The following CFAP161 variants were observed in gnomAD, a reference collection of about 807,000 sequenced individuals.
CFAP161 encodes cilia- and flagella-associated protein 161.
A neutral mutation model predicts 29.0 loss-of-function variants in CFAP161; 25 were observed. The ratio of observed to expected loss-of-function variants is 0.86; its 90% CI spans 0.63 to 1.20. CFAP161 has a LOEUF of 1.20. Ranked by LOEUF, CFAP161 falls within the 50% of genes most tolerant of loss-of-function variation. The probability of loss-of-function intolerance (pLI) is 0.00; values close to 1 mark genes in which losing one functional copy is unlikely to be tolerated. For synonymous variants in CFAP161, 116 were observed against 137.4 expected, an observed-to-expected ratio of 0.84 and a Z score of 1.09; for missense variants, 367 against 371.9, an observed-to-expected ratio of 0.99 and a Z score of 0.11.
At chr15:81,144,838 G>A (rs570635811) in intron 5 of CFAP161, among the ~76,000 whole-genome samples, 3 of 151,874 alleles carry the variant, frequency 2.0e-5, no homozygotes, top group African/African-American at 7.3e-5. Flanking sequence ...AGAAGCCAAG[G>A]AGACAGCAGG....
chr15:81,121,557 A>G (rs1454656650), intron 1 of CFAP161, among the ~76,000 whole-genome samples: 2 of 151,926 alleles, frequency 1.3e-5, no homozygotes, highest in African/African-American at 2.4e-5. Flanking sequence ...AAAGTTATAT[A>G]TATATATTAA....
upstream of CFAP161, among the ~76,000 whole-genome samples, chr15:81,130,561 G>A (rs147093663): frequency 3.3e-5 from 5 of 152,316 alleles, no homozygotes; most frequent in Admixed American, 3.3e-4. Context: ...TTAGCTGGGT[G>A]TGGTGGCATG....
At chr15:81,105,092 C>CCCTCCCTCCCTCCCTT (rs1555448581) in intron 1 of CFAP161, among the ~76,000 whole-genome samples, 7 of 53,526 alleles carry the variant, frequency 1.3e-4, no homozygotes, top group East Asian at 1.2e-3. Context: ...CTTTTCTTTT[C>CCCTCCCTCCCTCCCTT]CCTCCCTCCC....
At chr15:81,134,226 G>A, upstream of CFAP161, 1 of 1,363,292 alleles carries the variant, frequency 7.3e-7, no homozygotes, top group East Asian at 2.5e-5. Context: ...TGGCCAGCAG[G>A]GTCCCAGACC....
At chr15:81,115,065 A>G (rs1216638837) in intron 1 of CFAP161, among the ~76,000 whole-genome samples, 2 of 152,192 alleles carry the variant, frequency 1.3e-5, no homozygotes, top group African/African-American at 4.8e-5. Context: ...AGTTGTTGGG[A>G]AGATGTTTTT....
rs561059191 is a variant in CFAP161, at chr15:81,113,703, G to A, written c.-141-13887G>A. On this transcript the variant is annotated intron_variant, in intron 1 of 4. Transcript: ENST00000560091. Reference sequence around the variant, plus strand: ...CAGAGCTTCCATGACTTTTCTGGGTGCCACCTTCCCAGCACCTCGATGTGT... The same window carrying A: ...CAGAGCTTCCATGACTTTTCTGGGTACCACCTTCCCAGCACCTCGATGTGT... 1.6e-4 allele frequency among the ~76,000 whole-genome samples: 24 copies of A among 152,324 alleles called. No homozygotes were observed. The South Asian group carries it at 2.3e-3, about 14-fold the overall frequency.
upstream of CFAP161, among the ~76,000 whole-genome samples, chr15:81,133,207 ATATATATATATATATATG>A (rs1224089868): frequency 0.046 from 2,121 of 45,978 alleles, 113 homozygotes; most frequent in Middle Eastern, 0.077. Flanking sequence ...ATATATATAT[ATATATATATATATATATG>A]TATTTTTTTT....
intron 2 of CFAP161, 109 bp from the exon 3 acceptor site, chr15:81,136,407 T>C (rs1382829701): frequency 2.0e-5 from 19 of 958,978 alleles, no homozygotes; most frequent in Non-Finnish European, 2.7e-5. Flanking sequence ...GGAATCCAAG[T>C]GAAATCCTGA....
At chr15:81,120,080 C>A (rs1567153183) in intron 1 of CFAP161, among the ~76,000 whole-genome samples, 1 of 151,988 alleles carries the variant, frequency 6.6e-6, no homozygotes, top group East Asian at 1.9e-4. Context: ...CAGGTATTAT[C>A]TTCATAAAAT....
At chr15:81,105,137 TCCCC>T (rs1894349723) in intron 1 of CFAP161, among the ~76,000 whole-genome samples, 3 of 11,642 alleles carry the variant, frequency 2.6e-4, no homozygotes, top group Admixed American at 7.7e-4. Flanking sequence ...TTCTCCCCCC[TCCCC>T]TCCCTCCCTC....
chr15:81,133,836 C>A (rs1894757465), upstream of CFAP161, among the ~76,000 whole-genome samples: 1 of 152,042 alleles, frequency 6.6e-6, no homozygotes, highest in African/African-American at 2.4e-5. Flanking sequence ...TCTTTCTATG[C>A]GATTTTGGTT....
At chr15:81,142,557 C>T (rs2141883672) in intron 4 of CFAP161, among the ~76,000 whole-genome samples, 1 of 152,302 alleles carries the variant, frequency 6.6e-6, no homozygotes, top group African/African-American at 2.4e-5. Flanking sequence ...TCCCACAGCT[C>T]ATTGCAAATC....
At chr15:81,103,899 C>T (rs1286523202) in intron 1 of CFAP161, among the ~76,000 whole-genome samples, 2 of 152,078 alleles carry the variant, frequency 1.3e-5, no homozygotes, top group African/African-American at 4.8e-5. Context: ...AGCTGGTGTC[C>T]GCTGCTTGGT....
intron 4 of CFAP161, among the ~76,000 whole-genome samples, chr15:81,143,042 G>T (rs143150057): frequency 1.1e-3 from 163 of 152,302 alleles, no homozygotes; most frequent in African/African-American, 3.7e-3. Context: ...GCTGGGCATG[G>T]TCGTTCACAC....
chr15:81,106,371 C>G (rs536554353), intron 1 of CFAP161, among the ~76,000 whole-genome samples: 1 of 152,124 alleles, frequency 6.6e-6, no homozygotes, highest in Non-Finnish European at 1.5e-5. Flanking sequence ...GGGGTTTCAC[C>G]GTGTTAACCA....
At chr15:81,109,065 G>T (rs1315730539) in intron 1 of CFAP161, among the ~76,000 whole-genome samples, 1 of 152,128 alleles carries the variant, frequency 6.6e-6, no homozygotes, top group Non-Finnish European at 1.5e-5. Flanking sequence ...CGGTGGAGAA[G>T]GGCTCTCCAG....
Position 81,136,752 on chromosome 15 carries a change from A to T in CFAP161, c.392+4A>T. On this transcript the variant is annotated splice_donor_region_variant and intron_variant, in intron 3 of 6. Transcript: ENST00000286732. ...GAAACACTTTTATCATTTTGAGGTA[A>T]AGAGACTTTAATTTTCAGTTCATTT... 2 of 1,603,646 alleles carry T rather than the reference A, an allele frequency of 1.2e-6. No individual in the cohort carries two copies. Among genetic ancestry groups the T allele is most frequent in the Non-Finnish European group, 1.7e-6 (2 of 1,170,942 alleles).
rs112822057 is a variant in CFAP161, at chr15:81,109,346, G to A, written c.-141-18244G>A. On this transcript the variant is annotated intron_variant, in intron 1 of 4. Coordinates refer to the CFAP161 transcript ENST00000560091. The stretch of plus-strand genomic sequence containing the variant: ...AAGCCATATTTCATCTCCTGTTGCA[G>A]TTCTTCAAAGAAATGCTTCAGGATC... Among the ~76,000 whole-genome samples, 304 of 152,288 alleles carry A rather than the reference G, an allele frequency of 2.0e-3. 2 individuals are homozygous for A. The highest frequency in any genetic ancestry group is 7.0e-3 in the African/African-American group (289 of 41,568).
chr15:81,134,233 G>C (rs1894766351), upstream of CFAP161: 1 of 1,440,772 alleles, frequency 6.9e-7, no homozygotes, highest in Middle Eastern at 2.1e-4. Context: ...CAGGGTCCCA[G>C]ACCTTGACCA....
Sources: gnomAD v4.1 joint callset for allele counts (sites outside exome capture counted in the v4.1 genomes callset) on GRCh38, gnomAD v4.1.1 for gene constraint, MANE v1.5 for transcripts, NCBI Gene and HGNC (gene_info 2026-07-23, HGNC 2026-07-21) for gene names.